Variants in AEBP1 observed in about 807,000 individuals in gnomAD.
AEBP1 encodes adipocyte enhancer-binding protein 1.
In AEBP1, 69 loss-of-function variants were observed where a neutral mutation model predicts 116.5. The ratio of observed to expected loss-of-function variants is 0.59; its 90% CI spans 0.49 to 0.72. AEBP1 has a LOEUF of 0.72. Among genes scored for constraint, AEBP1 ranks in the 30% least tolerant of loss-of-function variants. AEBP1 has a pLI of 0.00. For synonymous variants in AEBP1, 627 were observed against 627.3 expected (o/e 1.00, Z 0.01); for missense variants, 1,444 against 1,557.5 (o/e 0.93, Z 1.23).
Position 44,111,869 on chromosome 7 carries a change from G to A in AEBP1, c.1856G>A (p.Arg619His), listed in dbSNP as rs143372513. 6 of 1,613,108 alleles carry A rather than the reference G, an allele frequency of 3.7e-6. No individual in the cohort carries two copies. The highest frequency in any genetic ancestry group is 2.2e-5 in the East Asian group (1 of 44,854). The change falls in exon 16 of 21, where the codon CGC becomes CAC. Residue 619 changes from arginine (R) to histidine (H), a missense_variant. By Grantham distance (29) the Arg-to-His change is conservative (BLOSUM62 0). Transcript: ENST00000223357. This position sits in a 1 kb window ranked among gnomAD's most constrained non-coding sequence, Gnocchi z 4.7. Reference sequence around the variant, plus strand: ...GCCCTTGCAGGGGAGCCCGAGTTCCGCTACACTGCTGGGATCCATGGCAAC... The same window carrying A: ...GCCCTTGCAGGGGAGCCCGAGTTCCACTACACTGCTGGGATCCATGGCAAC... ...GEHELGEPEF[R>H]YTAGIHGNEV... is the part of the protein sequence containing the mutation.
intron 1 of AEBP1, among the ~76,000 whole-genome samples, chr7:44,105,179 G>A (rs1391394086): frequency 6.6e-6 from 1 of 152,230 alleles, no homozygotes; most frequent in East Asian, 1.9e-4. Flanking sequence ...TGTACGGGTC[G>A]CTTATCCCCA....
Position 44,104,841 on chromosome 7 carries a change from C to T in AEBP1, c.176C>T (p.Pro59Leu), listed in dbSNP as rs1446193475. ...GAGGACGACGTGGAGGCCCCGCCGC[C>T]TCCCGAGCCCACCCCGCGGGTCCGA... ...PREDDVEAPP[P>L]PEPTPRVRKA... Residue 59 changes from proline (P) to leucine (L), a missense_variant, in exon 1 of 21, where the codon CCT (proline) becomes CTT (leucine). Physicochemically the swap from Pro to Leu is moderately conservative, Grantham distance 98. Coordinates refer to ENST00000223357, the MANE Select transcript of AEBP1 (RefSeq NM_001129.5). 4 of 1,586,666 alleles carry T rather than the reference C, an allele frequency of 2.5e-6. No individual in the cohort carries two copies. The highest frequency in any genetic ancestry group is 2.3e-5 in the South Asian group (2 of 87,710).
chr7:44,106,674 A>G lies in AEBP1; in HGVS notation c.382A>G (p.Thr128Ala). 1 of 1,612,262 alleles carries G rather than the reference A, an allele frequency of 6.2e-7. No individual in the cohort carries two copies. Residue 128 changes from threonine (T) to alanine (A), a missense_variant, in exon 2 of 21, where the codon ACC becomes GCC. Thr to Ala is a moderately conservative substitution (Grantham distance 58). Coordinates refer to ENST00000223357, the MANE Select transcript of AEBP1 (RefSeq NM_001129.5). Reference protein sequence around the residue: ...KKGKEKPPKATKKPKEKPPKA... With the variant: ...KKGKEKPPKAAKKPKEKPPKA... ...GGGGAAGGAGAAGCCACCCAAGGCC[A>G]CCAAGAAGCCCAAGGAGAAGCCACC... is the stretch of plus-strand genomic sequence containing the variant.
chr7:44,109,483 C>A, intron 9 of AEBP1, 142 bp downstream of exon 9: 1 of 1,028,668 alleles, frequency 9.7e-7, no homozygotes, highest in Non-Finnish European at 1.4e-6. Flanking sequence ...AAGGGAGGGG[C>A]CCCGGGAGCC....
chr7:44,108,743 C>T lies in AEBP1; in HGVS notation c.941-156C>T, dbSNP rs920563431. On this transcript the variant is annotated intron_variant, in intron 6 of 20. Transcript: ENST00000223357. The surrounding 1 kb of genome is among the most constrained non-coding windows in gnomAD (Gnocchi z 5.0). ...AGCTGCCCCTGAGCTCGGGCTGCTC[C>T]TGACTCCTGCAAGACCCTCTCCCAA... Among the ~76,000 whole-genome samples the T allele has an allele frequency of 6.6e-6, 1 of 152,166 alleles. No homozygotes were observed. Among genetic ancestry groups the T allele is most frequent in the Admixed American group, 6.5e-5 (1 of 15,282 alleles).
Position 44,108,042 on chromosome 7 carries a change from CCTGA to C in AEBP1, c.901_904del (p.Asp301MetfsTer6), listed in dbSNP as rs1562685345. The stretch of plus-strand genomic sequence containing the variant: ...GAAGCCTCTGCTGCCCCCGCTGCCC[CCTGA>C]CTATGGTGATGGTTACGTGATCCCC... On this transcript the variant is annotated frameshift_variant, in exon 6 of 21. Transcript: ENST00000223357. LOFTEE classifies it high-confidence loss of function. The surrounding 1 kb of genome is among the most constrained non-coding windows in gnomAD (Gnocchi z 5.0). The C allele has an allele frequency of 6.2e-7, 1 of 1,600,454 alleles. No homozygotes were observed. Among genetic ancestry groups the C allele is most frequent in the South Asian group, 1.1e-5 (1 of 88,882 alleles).
At chr7:44,109,011 G>C in intron 7 of AEBP1, 35 bp downstream of exon 7, 1 of 1,606,418 alleles carries the variant, frequency 6.2e-7, no homozygotes, top group Non-Finnish European at 8.5e-7. Context: ...CACCAGGCCT[G>C]CCCTGAAGGC....
chr7:44,108,949 C>A lies in AEBP1; in HGVS notation c.991C>A (p.Gln331Lys). Residue 331 changes from glutamine to lysine, a missense_variant, in exon 7 of 21, where the codon CAG (glutamine) becomes AAG (lysine). By Grantham distance (53) the Gln-to-Lys change is moderately conservative. Transcript: ENST00000223357. This position sits in a 1 kb window ranked among gnomAD's most constrained non-coding sequence, Gnocchi z 5.0. ...PPPQKPDAERQTDEEKEELKK... is the reference protein window; with the variant it reads ...PPPQKPDAERKTDEEKEELKK... The stretch of plus-strand genomic sequence containing the variant: ...GCCCCAGAAGCCCGATGCTGAGCGC[C>A]AGACAGACGAAGAGAAGGAGGAGCT... 6.2e-7 allele frequency: 1 copy of A among 1,602,622 alleles called. No individual in the cohort carries two copies. The highest frequency in any genetic ancestry group is 1.7e-4 in the Middle Eastern group (1 of 6,054).
At position 44,107,232 on chromosome 7, in the gene AEBP1, C is replaced by G. The variant is rs908470199; in HGVS notation, c.596-207C>G. ...GCCTCCAGCAGCACAGTAGGTTCCC[C>G]AGAAGGTGGGCCCAGCTCTCTGGCC... On this transcript the variant is annotated intron_variant, in intron 2 of 20. Transcript: ENST00000223357. The surrounding 1 kb of genome is among the most constrained non-coding windows in gnomAD (Gnocchi z 4.3). 1.3e-5 allele frequency among the ~76,000 whole-genome samples: 2 copies of G among 152,196 alleles called. No homozygotes were observed. The highest frequency in any genetic ancestry group is 4.8e-5 in the African/African-American group (2 of 41,452).
rs1484503470 is a variant in AEBP1 at position 44,114,371 on chromosome 7, T to G, written c.*110T>G. On this transcript the variant is annotated 3_prime_UTR_variant, in exon 21 of 21. Transcript: ENST00000223357. ...ATCAGCACATGGAAGGCCCCTGGTA[T>G]GGACACTGAAAGGAAGGGCTGGTCC... 8.8e-6 allele frequency: 11 copies of G among 1,244,236 alleles called. No individual in the cohort carries two copies. Among genetic ancestry groups the G allele is most frequent in the Non-Finnish European group, 1.3e-5 (11 of 879,858 alleles). 77.1% of individuals were successfully genotyped at this position (1,244,236 alleles called of 1,614,324 possible).
rs746762676 is a variant in AEBP1 at position 44,112,673 on chromosome 7, C to A, written c.2333C>A (p.Thr778Lys). 1.9e-5 allele frequency: 30 copies of A among 1,613,062 alleles called. No homozygotes were observed. The highest frequency in any genetic ancestry group is 5.5e-5 in the South Asian group (5 of 91,086). Residue 778 changes from threonine (T) to lysine (K), a missense_variant, in exon 18 of 21, where the codon ACG becomes AAG. Thr to Lys is a moderately conservative substitution (Grantham distance 78). Transcript: ENST00000223357. This position sits in a 1 kb window ranked among gnomAD's most constrained non-coding sequence, Gnocchi z 6.6. Reference protein sequence around the residue: ...LVSYPYDMARTPTQEQLLAAA... With the variant: ...LVSYPYDMARKPTQEQLLAAA... ...TCCTACCCCTACGATATGGCCCGCA[C>A]GCCTACCCAGGAGCAGCTGCTGGCC...
At position 44,107,534 on chromosome 7, in the gene AEBP1, C is replaced by A; in HGVS notation, c.667+24C>A. On this transcript the variant is annotated intron_variant, in intron 3 of 20. Transcript: ENST00000223357. The surrounding 1 kb of genome is among the most constrained non-coding windows in gnomAD (Gnocchi z 4.3). The stretch of plus-strand genomic sequence containing the variant: ...TGGTGAGTGGCCGTCATCCGCCTGG[C>A]CTTGGGGCCAGCTGCCCTGGCTGGT... The A allele has an allele frequency of 6.2e-7, 1 of 1,613,420 alleles. No homozygotes were observed. Among genetic ancestry groups the A allele is most frequent in the Non-Finnish European group, 8.5e-7 (1 of 1,179,918 alleles).
chr7:44,105,127 G>A (rs1003007320), intron 1 of AEBP1, among the ~76,000 whole-genome samples: 9 of 152,260 alleles, frequency 5.9e-5, no homozygotes, highest in African/African-American at 1.9e-4. Context: ...GGGCGGCAGG[G>A]CCGCTTTTGG....
Position 44,110,212 on chromosome 7 carries a change from T to A in AEBP1, c.1266T>A (p.Gly422=). 6.2e-7 allele frequency: 1 copy of A among 1,613,548 alleles called. No homozygotes were observed. The highest frequency in any genetic ancestry group is 8.5e-7 in the Non-Finnish European group (1 of 1,179,988). ...CTCCCCTGCCCCCTGGACAGACCGG[T>A]GCCACTGAGGACGACTACTATGATG... ...AQRGRLNMQT[G]ATEDDYYDGA... The change falls in exon 11 of 21, where the codon GGT becomes GGA. Residue 422 remains glycine, a synonymous_variant. Transcript: ENST00000223357.
At chr7:44,105,331 CAGG>C (rs2096221869) in intron 1 of AEBP1, among the ~76,000 whole-genome samples, 1 of 152,016 alleles carries the variant, frequency 6.6e-6, no homozygotes, top group Non-Finnish European at 1.5e-5. Flanking sequence ...CCTCCTACTC[CAGG>C]AGGTCTCACG....
At chr7:44,109,032 CT>C (rs2096226015) in intron 7 of AEBP1, 56 bp downstream of exon 7, 1 of 1,609,318 alleles carries the variant, frequency 6.2e-7, no homozygotes, top group Admixed American at 1.7e-5. Context: ...CACCTGGGGC[CT>C]GCCTGATCCA....
rs1362206880 is a variant in AEBP1 at position 44,108,742 on chromosome 7, C to T, written c.941-157C>T. On this transcript the variant is annotated intron_variant, in intron 6 of 20. Coordinates refer to ENST00000223357, the MANE Select transcript of AEBP1 (RefSeq NM_001129.5). The surrounding 1 kb of genome is among the most constrained non-coding windows in gnomAD (Gnocchi z 5.0). Reference sequence around the variant, plus strand: ...CAGCTGCCCCTGAGCTCGGGCTGCTCCTGACTCCTGCAAGACCCTCTCCCA... The same window carrying T: ...CAGCTGCCCCTGAGCTCGGGCTGCTTCTGACTCCTGCAAGACCCTCTCCCA... 6.6e-6 allele frequency among the ~76,000 whole-genome samples: 1 copy of T among 152,126 alleles called. No individual in the cohort carries two copies. The highest frequency in any genetic ancestry group is 1.9e-4 in the East Asian group (1 of 5,184).
chr7:44,113,877 A>G lies in AEBP1; in HGVS notation c.3093A>G (p.Ala1031=), dbSNP rs2096233266. The change falls in exon 21 of 21, where the codon GCA becomes GCG. Residue 1031 remains alanine, a synonymous_variant. Coordinates refer to ENST00000223357, the MANE Select transcript of AEBP1 (RefSeq NM_001129.5). The surrounding 1 kb of genome is among the most constrained non-coding windows in gnomAD (Gnocchi z 5.3). ...RRLQHRLRLR[A]QMRLRRLNAT... is the part of the protein sequence containing the mutation. ...TACAACACCGCCTGCGGCTTCGGGC[A>G]CAGATGCGGCTGCGGCGCCTCAACG... 3 of 1,613,476 alleles carry G rather than the reference A, an allele frequency of 1.9e-6. No individual in the cohort carries two copies. The highest frequency in any genetic ancestry group is 2.5e-6 in the Non-Finnish European group (3 of 1,179,984).
chr7:44,107,021 T>G lies in AEBP1; in HGVS notation c.595+134T>G. ...CCCCACTGGATGGGAACCTCACTTT[T>G]GCTATAAATTTCACAATTTGATTGG... is the stretch of plus-strand genomic sequence containing the variant. On this transcript the variant is annotated intron_variant, in intron 2 of 20. Coordinates refer to ENST00000223357, the MANE Select transcript of AEBP1 (RefSeq NM_001129.5). This position sits in a 1 kb window ranked among gnomAD's most constrained non-coding sequence, Gnocchi z 4.3. 1 of 716,702 alleles carries G rather than the reference T, an allele frequency of 1.4e-6. No homozygotes were observed. The highest frequency in any genetic ancestry group is 2.3e-6 in the Non-Finnish European group (1 of 443,452). The allele number at this position is 716,702 out of a possible 1,614,324, so 44.4% of individuals were successfully genotyped here. A position where few individuals can be genotyped will look rare whatever the true frequency, so the allele number is the denominator to read the frequency against.
Sources: allele counts gnomAD v4.1 joint callset (sites outside exome capture counted in the v4.1 genomes callset), GRCh38; gene constraint gnomAD v4.1.1; non-coding constraint Gnocchi (gnomAD v3.1); transcripts MANE v1.5; gene names NCBI Gene and HGNC (gene_info 2026-07-23, HGNC 2026-07-21).